Variants in EPS15L1 observed in about 807,000 individuals in gnomAD.
EPS15L1 encodes epidermal growth factor receptor substrate 15-like 1.
In EPS15L1, 43 loss-of-function variants were observed where a neutral mutation model predicts 117.1. The observed-to-expected ratio is 0.37, with a 90% CI of 0.29 to 0.47. EPS15L1 has a LOEUF of 0.47. Ranked by LOEUF, EPS15L1 falls within the 20% of genes least tolerant of loss-of-function variation. EPS15L1 has a pLI of 0.99. For missense variants in EPS15L1, 981 were observed against 1,164.0 expected (o/e 0.84, Z 2.29); for synonymous variants, 459 against 470.5 (o/e 0.98, Z 0.32).
At chr19:16,409,043 G>A (rs2092683111) in intron 13 of EPS15L1, among the ~76,000 whole-genome samples, 1 of 152,034 alleles carries the variant, frequency 6.6e-6, no homozygotes, top group Non-Finnish European at 1.5e-5. Flanking sequence ...GCAATACAGC[G>A]AGACCCTGTC....
chr19:16,437,048 A>G (rs1247911010), intron 5 of EPS15L1, 49 bp from the exon 6 acceptor site: 1 of 1,544,346 alleles, frequency 6.5e-7, no homozygotes, highest in South Asian at 1.1e-5. Flanking sequence ...GAATTAAATC[A>G]TAGGTGGGTG....
intron 13 of EPS15L1, among the ~76,000 whole-genome samples, chr19:16,407,679 T>C (rs191726088): frequency 2.0e-5 from 3 of 152,316 alleles, no homozygotes; most frequent in African/African-American, 7.2e-5. Context: ...ATAAAATCAA[T>C]AAAGCTGAAA....
In EPS15L1 at chr19:16,365,006, CCCCAGGAACCCCCAAA is replaced by C. The variant is rs1403455924; in HGVS notation, c.2381-3038_2381-3023del. On this transcript the variant is annotated intron_variant, in intron 22 of 23. Transcript: ENST00000455140. This position sits in a 1 kb window ranked among gnomAD's most constrained non-coding sequence, Gnocchi z 4.9. ...AGTCTTGTCCAGGTGGCACCTCCTT[CCCCAGGAACCCCCAAA>C]CCCAGGGCTTCTTTCCTGGCTATGC... Among the ~76,000 whole-genome samples the C allele has an allele frequency of 6.6e-6, 1 of 152,242 alleles. No homozygotes were observed. The highest frequency in any genetic ancestry group is 1.5e-5 in the Non-Finnish European group (1 of 68,038).
chr19:16,407,278 T>G (rs2092665881), intron 13 of EPS15L1, among the ~76,000 whole-genome samples: 1 of 152,050 alleles, frequency 6.6e-6, no homozygotes, highest in African/African-American at 2.4e-5. Flanking sequence ...CTCTTGGCTC[T>G]CCCTTCCCTT....
chr19:16,395,983 C>T (rs1260765744), intron 16 of EPS15L1, among the ~76,000 whole-genome samples: 1 of 150,508 alleles, frequency 6.6e-6, no homozygotes, highest in East Asian at 1.9e-4. Context: ...TGGCGTGTAC[C>T]TATAATCCCA....
chr19:16,464,814 T>C lies in EPS15L1; in HGVS notation c.33+7099A>G, dbSNP rs1026291439. 1.1e-4 allele frequency among the ~76,000 whole-genome samples: 17 copies of C among 152,260 alleles called. 1 individual carries two copies. In the East Asian group the frequency reaches 1.5e-3, roughly 14 times the overall value. On this transcript the variant is annotated intron_variant, in intron 1 of 23. Transcript: ENST00000455140. ...TTAAAAAATTCACGGGTGGGCATGG[T>C]GGCTCACGCCTGTAATCCCAGCACT...
Position 16,367,511 on chromosome 19 carries a change from A to AC in EPS15L1, c.2381-5528_2381-5527insG, listed in dbSNP as rs995028191. ...GTATGTGCTGTTAAAAAAAAAAAAAAAAAAAAAAAAAAAAACTTGGTGGCC... is the reference window on the plus strand; with the variant it reads ...GTATGTGCTGTTAAAAAAAAAAAAAACAAAAAAAAAAAAAAACTTGGTGGCC... On this transcript the variant is annotated intron_variant, in intron 22 of 23. Transcript: ENST00000455140. 1.8e-4 allele frequency among the ~76,000 whole-genome samples: 27 copies of AC among 148,700 alleles called. 1 individual carries two copies. Among genetic ancestry groups the AC allele is most frequent in the Admixed American group, 3.3e-4 (5 of 15,022 alleles).
chr19:16,388,087 G>C (rs552374052), intron 19 of EPS15L1, among the ~76,000 whole-genome samples: 1 of 152,310 alleles, frequency 6.6e-6, no homozygotes, highest in Non-Finnish European at 1.5e-5. Flanking sequence ...CTGTCACCCA[G>C]GCTGGAGCGC....
intron 8 of EPS15L1, among the ~76,000 whole-genome samples, chr19:16,426,481 A>G (rs776694713): frequency 2.2e-4 from 33 of 151,746 alleles, no homozygotes; most frequent in Admixed American, 1.9e-3. Flanking sequence ...TAAAAATTCA[A>G]AAAAAAAATT....
At chr19:16,438,948 C>T (rs961500979) in intron 4 of EPS15L1, among the ~76,000 whole-genome samples, 5 of 152,126 alleles carry the variant, frequency 3.3e-5, no homozygotes, top group Admixed American at 2.0e-4. Context: ...AGTGGCCTGA[C>T]GTGGACCCCA....
chr19:16,362,042 G>A (rs961029542), intron 22 of EPS15L1, 58 bp from the exon 23 acceptor site: 15 of 1,485,772 alleles, frequency 1.0e-5, no homozygotes, highest in Admixed American at 7.2e-5. Context: ...TTACTCACCC[G>A]GACAGAGCAG....
intron 6 of EPS15L1, 131 bp from the exon 7 acceptor site, chr19:16,434,621 A>G: frequency 8.4e-6 from 8 of 950,250 alleles, no homozygotes; most frequent in Middle Eastern, 2.7e-4. Flanking sequence ...GCACAAAATG[A>G]TCTTAGAACA....
chr19:16,471,888 G>A lies in EPS15L1; in HGVS notation c.33+25C>T, dbSNP rs1024039961. On this transcript the variant is annotated intron_variant, in intron 1 of 23. Transcript: ENST00000455140. The surrounding 1 kb of genome is among the most constrained non-coding windows in gnomAD (Gnocchi z 4.8). Reference sequence around the variant, plus strand: ...GCCTCGCGCCCCGCACCCCGGCGCCGCCCCCAGGCCCGCCCGGCCCGTACC... The same window carrying A: ...GCCTCGCGCCCCGCACCCCGGCGCCACCCCCAGGCCCGCCCGGCCCGTACC... 4.7e-6 allele frequency: 6 copies of A among 1,285,672 alleles called. No homozygotes were observed. The highest frequency in any genetic ancestry group is 2.2e-5 in the South Asian group (1 of 45,652). The allele number at this position is 1,285,672 out of a possible 1,614,324, so 79.6% of individuals were successfully genotyped here.
chr19:16,425,436 A>G (rs2092862332), intron 8 of EPS15L1, 120 bp from the exon 9 acceptor site: 7 of 691,798 alleles, frequency 1.0e-5, no homozygotes, highest in Non-Finnish European at 1.8e-5. Context: ...GGACGCTCCC[A>G]AGCTGACCAG....
chr19:16,412,393 G>A (rs1456974903), intron 13 of EPS15L1, among the ~76,000 whole-genome samples: 1 of 151,934 alleles, frequency 6.6e-6, no homozygotes, highest in Non-Finnish European at 1.5e-5. Flanking sequence ...CCAACTACTT[G>A]GGAGGCTGAG....
intron 22 of EPS15L1, among the ~76,000 whole-genome samples, chr19:16,362,964 T>A (rs569735897): frequency 3.3e-5 from 5 of 152,094 alleles, no homozygotes; most frequent in African/African-American, 1.2e-4. Flanking sequence ...GAGAGAGAAG[T>A]GTTCAGAAAT....
chr19:16,418,101 G>A lies in EPS15L1; in HGVS notation c.954C>T (p.Ala318=), dbSNP rs755504117. 11 of 1,612,094 alleles carry A rather than the reference G, an allele frequency of 6.8e-6. No homozygotes were observed. Among genetic ancestry groups the A allele is most frequent in the African/African-American group, 2.7e-5 (2 of 74,886 alleles). ...TCCCCGTTTGCCTCGTATCGGCCAGGGCCCTGGGAGAAACGTGGGGATGCT... is the reference window on the plus strand; with the variant it reads ...TCCCCGTTTGCCTCGTATCGGCCAGAGCCCTGGGAGAAACGTGGGGATGCT... The part of the protein sequence containing the change: ...LTQNLLAHIW[A]LADTRQTGKL... The change falls in exon 11 of 24, where the codon GCC becomes GCT. Residue 318 remains alanine, a synonymous_variant. Transcript: ENST00000455140.
At chr19:16,362,449 G>A (rs150119024) in intron 22 of EPS15L1, among the ~76,000 whole-genome samples, 77 of 149,206 alleles carry the variant, frequency 5.2e-4, no homozygotes, top group Non-Finnish European at 7.4e-5. Context: ...AACGTGGTAT[G>A]GTTATTCGGT....
chr19:16,364,702 C>T (rs1013958964), intron 22 of EPS15L1, among the ~76,000 whole-genome samples: 5 of 152,196 alleles, frequency 3.3e-5, no homozygotes, highest in Admixed American at 1.3e-4. Flanking sequence ...CTCTGGCGGG[C>T]GGGGGTCAAG....
Sources: gnomAD v4.1 joint callset for allele counts (sites outside exome capture counted in the v4.1 genomes callset) on GRCh38, gnomAD v4.1.1 for gene constraint, Gnocchi (gnomAD v3.1) non-coding constraint, MANE v1.5 for transcripts, NCBI Gene and HGNC (gene_info 2026-07-23, HGNC 2026-07-21) for gene names.